SYCP2L: variants seen among roughly 807,000 people sequenced by gnomAD.
SYCP2L encodes synaptonemal complex protein 2 like, also known as synaptonemal complex protein 2-like.
In SYCP2L, 98 loss-of-function variants were observed where a neutral mutation model predicts 125.8. That is an observed-to-expected ratio of 0.78 (90% confidence interval 0.66 to 0.92). The LOEUF is 0.92. Among genes scored for constraint, SYCP2L ranks in the 40% least tolerant of loss-of-function variants. The pLI is 0.00. For synonymous variants in SYCP2L, 317 were observed against 325.4 expected, an observed-to-expected ratio of 0.97 and a Z score of 0.28; for missense variants, 842 against 936.4, an observed-to-expected ratio of 0.90 and a Z score of 1.32.
chr6:10,970,082 T>C (rs992846399), intron 29 of SYCP2L, among the ~76,000 whole-genome samples: 1 of 152,050 alleles, frequency 6.6e-6, no homozygotes, highest in Admixed American at 6.6e-5. Context: ...TTCATGCCAG[T>C]GCTAAGAAGG....
intron 8 of SYCP2L, among the ~76,000 whole-genome samples, chr6:10,904,618 C>T (rs1581819266): frequency 6.6e-6 from 1 of 152,266 alleles, no homozygotes; most frequent in South Asian, 2.1e-4. Flanking sequence ...AATCTTTGAA[C>T]ACACTACCTT....
At chr6:10,959,540 G>C (rs1436082409) in intron 26 of SYCP2L, among the ~76,000 whole-genome samples, 1 of 152,174 alleles carries the variant, frequency 6.6e-6, no homozygotes, top group East Asian at 1.9e-4. Flanking sequence ...ATGGTTAAAA[G>C]GGTATAAATA....
At chr6:10,900,260 T>C (rs747818994) in intron 6 of SYCP2L, among the ~76,000 whole-genome samples, 4 of 151,888 alleles carry the variant, frequency 2.6e-5, no homozygotes, top group Non-Finnish European at 4.4e-5. Flanking sequence ...GGCTTCTTGC[T>C]GTATGCCTAC....
intron 25 of SYCP2L, 54 bp downstream of exon 25, chr6:10,956,296 A>G: frequency 7.5e-7 from 1 of 1,330,496 alleles, no homozygotes; most frequent in South Asian, 1.2e-5. Flanking sequence ...GGAGGACATT[A>G]TGCTAAGTGA....
chr6:10,962,908 T>G (rs1781618336), intron 28 of SYCP2L, among the ~76,000 whole-genome samples: 1 of 151,778 alleles, frequency 6.6e-6, no homozygotes, highest in Non-Finnish European at 1.5e-5. Flanking sequence ...GTCTTAATGT[T>G]ATTATTATTA....
At chr6:10,902,047 C>T (rs1581818060) in intron 6 of SYCP2L, among the ~76,000 whole-genome samples, 1 of 152,342 alleles carries the variant, frequency 6.6e-6, no homozygotes, top group Admixed American at 6.5e-5. Context: ...GCCCTGCCCT[C>T]CAGATGAACC....
intron 14 of SYCP2L, chr6:10,922,939 T>C (rs1190599314): frequency 1.3e-5 from 2 of 152,200 alleles, no homozygotes; most frequent in African/African-American, 4.8e-5. Flanking sequence ...GGAATAATAA[T>C]ATCCAGAATA....
At position 10,954,989 on chromosome 6, in the gene SYCP2L, A is replaced by C; in HGVS notation, c.1955-127A>C. The C allele has an allele frequency of 1.5e-6, 1 of 680,354 alleles. No homozygotes were observed. Among genetic ancestry groups the C allele is most frequent in the Non-Finnish European group, 2.6e-6 (1 of 378,618 alleles). The allele number at this position is 680,354 out of a possible 1,614,324, so 42.1% of individuals were successfully genotyped here. A position where few individuals can be genotyped will look rare whatever the true frequency, so the allele number is the denominator to read the frequency against. On this transcript the variant is annotated intron_variant, in intron 23 of 29. Transcript: ENST00000283141. This position sits in a 1 kb window ranked among gnomAD's most constrained non-coding sequence, Gnocchi z 4.8. Reference sequence around the variant, plus strand: ...GGTTTGTGCCTAGTCGATGCACCGAATGATAACTCATTAGCAACAGGCAGG... The same window carrying C: ...GGTTTGTGCCTAGTCGATGCACCGACTGATAACTCATTAGCAACAGGCAGG...
At chr6:10,949,187 T>C (rs9468022) in intron 23 of SYCP2L, among the ~76,000 whole-genome samples, 4,576 of 152,234 alleles carry the variant, frequency 0.03, 237 homozygotes, top group African/African-American at 0.1. Flanking sequence ...TTACGTTTAT[T>C]CTGATGCTCT....
intron 1 of SYCP2L, among the ~76,000 whole-genome samples, chr6:10,888,855 T>A (rs916911623): frequency 6.6e-6 from 1 of 152,184 alleles, no homozygotes; most frequent in African/African-American, 2.4e-5. Flanking sequence ...CAGTTTATGC[T>A]ATGAATTAAC....
chr6:10,923,836 A>G (rs1336905497), intron 14 of SYCP2L, among the ~76,000 whole-genome samples: 1 of 151,012 alleles, frequency 6.6e-6, no homozygotes, highest in Non-Finnish European at 1.5e-5. Flanking sequence ...AGCACCCACC[A>G]CCACGCCCGG....
chr6:10,930,236 T>G, intron 18 of SYCP2L, 134 bp from the exon 19 acceptor site: 1 of 863,364 alleles, frequency 1.2e-6, no homozygotes, highest in Non-Finnish European at 1.7e-6. Context: ...CTTCTTTGCT[T>G]TTATATTATA....
intron 23 of SYCP2L, among the ~76,000 whole-genome samples, chr6:10,952,159 A>G (rs1781423022): frequency 6.6e-6 from 1 of 152,244 alleles, no homozygotes; most frequent in African/African-American, 2.4e-5. Flanking sequence ...GTGCTAGTGA[A>G]AAGTGGCATA....
rs902685005 is a variant in SYCP2L, at chr6:10,931,589, G to T, written c.1683+100G>T. The T allele has an allele frequency of 3.6e-5, 42 of 1,180,862 alleles. No homozygotes were observed. In the Admixed American group the frequency reaches 4.8e-4, roughly 13 times the overall value. 73.1% of individuals were successfully genotyped at this position (1,180,862 alleles called of 1,614,324 possible). A position where few individuals can be genotyped will look rare whatever the true frequency, so the allele number is the denominator to read the frequency against. ...GAAATATAAAAATAACAAAATATTG[G>T]TTTACTGATATGTGAATCACCGCCA... On this transcript the variant is annotated intron_variant, in intron 20 of 29. Transcript: ENST00000283141.
At position 10,906,644 on chromosome 6, in the gene SYCP2L, C is replaced by G. The variant is rs376156873; in HGVS notation, c.676+590C>G. 5.3e-5 allele frequency among the ~76,000 whole-genome samples: 8 copies of G among 150,872 alleles called. No individual in the cohort carries two copies. The East Asian group carries it at 1.6e-3, about 29-fold the overall frequency. On this transcript the variant is annotated intron_variant, in intron 9 of 29. Transcript: ENST00000283141. ...TGGAGTTTTGCCCTTGTTGGCCAGG[C>G]TGGAGTGCAATGGCGCGATCTCGGC...
chr6:10,938,035 G>A (rs552967416), intron 21 of SYCP2L, among the ~76,000 whole-genome samples: 45 of 152,208 alleles, frequency 3.0e-4, no homozygotes, highest in African/African-American at 1.0e-3. Context: ...AAACTGAGGT[G>A]GACAGAACAC....
intron 26 of SYCP2L, among the ~76,000 whole-genome samples, chr6:10,959,263 T>C (rs1781557312): frequency 1.3e-5 from 2 of 152,216 alleles, no homozygotes; most frequent in African/African-American, 4.8e-5. Context: ...TGGATGAACC[T>C]TGAAATCATT....
chr6:10,907,783 C>A, intron 10 of SYCP2L, 99 bp downstream of exon 10: 1 of 1,293,672 alleles, frequency 7.7e-7, no homozygotes, highest in Non-Finnish European at 1.1e-6. Flanking sequence ...GATTTTTTTG[C>A]TTAAGTGTGA....
chr6:10,960,747 T>TAA (rs113060118), intron 26 of SYCP2L, among the ~76,000 whole-genome samples: 1 of 150,962 alleles, frequency 6.6e-6, no homozygotes, highest in African/African-American at 2.4e-5. Flanking sequence ...TGTTCTCTAC[T>TAA]AAAAAAAAAT....
Sources: gnomAD v4.1 joint callset for allele counts (sites outside exome capture counted in the v4.1 genomes callset) on GRCh38, gnomAD v4.1.1 for gene constraint, Gnocchi (gnomAD v3.1) non-coding constraint, MANE v1.5 for transcripts, NCBI Gene and HGNC (gene_info 2026-07-23, HGNC 2026-07-21) for gene names.